The following RTL5 variants were observed in gnomAD, a reference collection of about 807,000 sequenced individuals.
RTL5 encodes the protein retrotransposon Gag-like protein 5.
In RTL5, 8 loss-of-function variants were observed where a neutral mutation model predicts 7.7. The observed-to-expected ratio is 1.04, with a 90% CI of 0.61 to 1.88. RTL5 has a LOEUF of 1.88. Ranked by LOEUF, RTL5 falls within the 40% of genes most tolerant of loss-of-function variation. The pLI, the probability that RTL5 is intolerant of heterozygous loss-of-function variation, is 0.00. For synonymous variants in RTL5, 188 were observed against 191.8 expected, an observed-to-expected ratio of 0.98 and a Z score of 0.16; for missense variants, 457 against 472.7, an observed-to-expected ratio of 0.97 and a Z score of 0.31.
exon 1 of RTL5, chrX:72,129,941 G>T (rs201122770): frequency 1.7e-6 from 2 of 1,209,365 alleles, no homozygotes; most frequent in Non-Finnish European, 1.1e-6. Context: ...CGACCTGTGC[G>T]GCGAATCAGT....
chrX:72,130,421 T>G (rs1569482874), exon 1 of RTL5: 2 of 1,200,410 alleles, frequency 1.7e-6, no homozygotes, highest in Non-Finnish European at 2.2e-6. Context: ...TCCTTCTCCT[T>G]CATCTCTTGC....
chrX:72,129,860 G>A lies in RTL5; in HGVS notation c.1681C>T (p.Arg561Ter), dbSNP rs2042266258. 15 of 1,201,757 alleles carry A rather than the reference G, an allele frequency of 1.2e-5. No individual in the cohort carries two copies. The highest frequency in any genetic ancestry group is 1.7e-5 in the Non-Finnish European group (15 of 889,647). The change falls in exon 1 of 1, where the codon CGA becomes TGA. Residue 561 changes from arginine (R) to a stop codon, truncating the protein, a stop_gained. Coordinates refer to ENST00000609883, the Ensembl canonical transcript of RTL5. LOFTEE classifies it high-confidence loss of function. ...ACTCGAATTCGGCCACGAGCAGCTC[G>A]GTGGCCCCCCTGTCTCGGAGTGAGG...
exon 1 of RTL5, chrX:72,131,789 C>A: frequency 4.5e-6 from 1 of 220,158 alleles, no homozygotes. Context: ...GGCGGAGGCA[C>A]GGGGCCCGGA....
chrX:72,131,006 C>T, exon 1 of RTL5: 1 of 1,211,358 alleles, frequency 8.3e-7, no homozygotes, highest in Non-Finnish European at 1.1e-6. Flanking sequence ...GGGAAATGAA[C>T]CTCATGGTCG....
chrX:72,130,496 CT>C lies in RTL5; in HGVS notation c.1044del (p.Asp349ThrfsTer18). On this transcript the variant is annotated frameshift_variant, in exon 1 of 1. Coordinates refer to ENST00000609883, the Ensembl canonical transcript of RTL5. LOFTEE classifies it low-confidence loss of function (END_TRUNC). ...AGCCTGTGCCTGCGTGCCTCTTGGT[CT>C]TCATCTTCACTGTAGTACTCTTCAT... The C allele has an allele frequency of 8.3e-7, 1 of 1,211,174 alleles. No homozygotes were observed. The highest frequency in any genetic ancestry group is 1.7e-5 in the African/African-American group (1 of 57,699).
chrX:72,130,710 G>T, exon 1 of RTL5: 1 of 1,212,029 alleles, frequency 8.3e-7, no homozygotes. Context: ...ACAGGCCTTT[G>T]AGGAATTGGT....
exon 1 of RTL5, chrX:72,129,874 C>G: frequency 8.3e-7 from 1 of 1,205,999 alleles, no homozygotes; most frequent in Non-Finnish European, 1.1e-6. Flanking sequence ...GCCCCCCTGT[C>G]TCGGAGTGAG....
upstream of RTL5, chrX:72,131,883 G>C: frequency 2.6e-6 from 1 of 382,644 alleles, no homozygotes; most frequent in South Asian, 4.0e-5. Context: ...CGAGCGGAGC[G>C]GGAGGGAGCG....
Position 72,130,130 on chromosome X carries a change from C to A in RTL5, c.1411G>T (p.Glu471Ter). The A allele has an allele frequency of 8.3e-7, 1 of 1,210,908 alleles. No individual in the cohort carries two copies. The highest frequency in any genetic ancestry group is 1.1e-6 in the Non-Finnish European group (1 of 895,213). Residue 471 changes from glutamate (E) to a stop codon, truncating the protein, a stop_gained, in exon 1 of 1, where the codon GAG (glutamate) becomes TAG (stop). Coordinates refer to ENST00000609883, the Ensembl canonical transcript of RTL5. LOFTEE classifies it high-confidence loss of function. ...GATGACGCGTGAACAAAGGTCGGCTCCATCTCCATCAGCTCATCTAGGTCA... is the reference window on the plus strand; with the variant it reads ...GATGACGCGTGAACAAAGGTCGGCTACATCTCCATCAGCTCATCTAGGTCA...
exon 1 of RTL5, chrX:72,127,946 G>C (rs186784138): frequency 5.0e-4 from 56 of 112,995 alleles, no homozygotes; most frequent in African/African-American, 1.8e-3. Context: ...GCAGCAAAGT[G>C]TTAATAGTGC....
exon 1 of RTL5, chrX:72,131,690 G>T: frequency 2.0e-6 from 1 of 500,084 alleles, no homozygotes. Flanking sequence ...CACACCCACC[G>T]GGGCGAGCTC....
At chrX:72,131,030 C>G (rs2042289560) in exon 1 of RTL5, 18 of 1,211,100 alleles carry the variant, frequency 1.5e-5, no homozygotes, top group Non-Finnish European at 2.0e-5. Context: ...ATGAAGGTCT[C>G]TAGCTGCATC....
chrX:72,128,924 T>C (rs1480737154), exon 1 of RTL5: 1 of 114,168 alleles, frequency 8.8e-6, no homozygotes, highest in East Asian at 2.7e-4. Context: ...TCGTTGCTGC[T>C]TCTTTCTCCT....
In RTL5 at chrX:72,128,019, T is replaced by C. The variant is rs374553174; in HGVS notation, c.*1812A>G. 3.6e-5 allele frequency: 4 copies of C among 112,558 alleles called. No individual in the cohort carries two copies. The East Asian group carries it at 1.1e-3, about 31-fold the overall frequency. The allele number at this position is 112,558 out of a possible 1,213,427, so 9.3% of individuals were successfully genotyped here. The stretch of plus-strand genomic sequence containing the variant: ...TTTTTGTCCTCATAGTTTTCTCTAT[T>C]TTCCAAACTTTCTTTAATGATTATG... On this transcript the variant is annotated 3_prime_UTR_variant, in exon 1 of 1. Transcript: ENST00000609883.
chrX:72,130,217 G>A (rs746644853), exon 1 of RTL5: 7 of 1,207,547 alleles, frequency 5.8e-6, no homozygotes, highest in Non-Finnish European at 7.8e-6. Context: ...TCAGTCCCTG[G>A]ATCCTGCTGT....
chrX:72,131,563 G>A (rs371564539), exon 1 of RTL5: 15 of 1,144,781 alleles, frequency 1.3e-5, no homozygotes, highest in Middle Eastern at 2.9e-4. Context: ...AGGGGCCCTG[G>A]GGCTCCGTGG....
exon 1 of RTL5, chrX:72,131,803 G>A (rs2042304739): frequency 4.3e-6 from 1 of 232,201 alleles, no homozygotes; most frequent in Non-Finnish European, 7.5e-6. Flanking sequence ...GCCCGGAGGC[G>A]CCAGGCGGAG....
exon 1 of RTL5, chrX:72,131,592 A>T: frequency 9.0e-7 from 1 of 1,107,755 alleles, no homozygotes; most frequent in Non-Finnish European, 1.2e-6. Context: ...GGGGAACTGG[A>T]ACTACGGGCG....
exon 1 of RTL5, chrX:72,130,174 A>G: frequency 8.3e-7 from 1 of 1,210,742 alleles, no homozygotes; most frequent in Non-Finnish European, 1.1e-6. Context: ...GGCCTCATCC[A>G]GTGGCTCCTC....
Sources: allele counts gnomAD v4.1 joint callset, GRCh38; gene constraint gnomAD v4.1.1; transcripts MANE v1.5; gene names NCBI Gene and HGNC (gene_info 2026-07-23, HGNC 2026-07-21).